DEK: variants seen among roughly 807,000 people sequenced by gnomAD.
DEK encodes the protein protein DEK.
A neutral mutation model predicts 46.8 loss-of-function variants in DEK; 28 were observed. The ratio of observed to expected loss-of-function variants is 0.60; its 90% confidence interval spans 0.44 to 0.82. DEK has a LOEUF of 0.82. DEK is among the 40% of genes least tolerant of loss of function. The pLI is 0.00. For missense variants in DEK, 416 were observed against 430.6 expected (o/e 0.97, Z 0.30); for synonymous variants, 160 against 144.5 (o/e 1.11, Z -0.77).
chr6:18,236,681 C>G (rs1324785138), intron 8 of DEK, 81 bp from the exon 9 acceptor site: 2 of 1,055,814 alleles, frequency 1.9e-6, no homozygotes, highest in Non-Finnish European at 2.5e-6. Flanking sequence ...TTTAAGCTTT[C>G]AACAGATTCT....
At chr6:18,229,205 A>G (rs7738210) in intron 9 of DEK, among the ~76,000 whole-genome samples, 5,355 of 152,264 alleles carry the variant, frequency 0.035, 272 homozygotes, top group African/African-American at 0.11. Flanking sequence ...TAACAAAAAG[A>G]ACATCCACAC....
chr6:18,263,722 G>A (rs1377396377), intron 2 of DEK, 121 bp downstream of exon 2: 1 of 1,587,712 alleles, frequency 6.3e-7, no homozygotes, highest in Non-Finnish European at 8.5e-7. Context: ...CATTCTCGCT[G>A]AAAATCACTC....
At chr6:18,240,089 G>A (rs1313258905) in intron 7 of DEK, among the ~76,000 whole-genome samples, 1 of 152,160 alleles carries the variant, frequency 6.6e-6, no homozygotes, top group Non-Finnish European at 1.5e-5. Context: ...AGCCTTTTAA[G>A]GCTTGCCATT....
chr6:18,233,380 A>G (rs1207641396), intron 9 of DEK, among the ~76,000 whole-genome samples: 1 of 152,234 alleles, frequency 6.6e-6, no homozygotes, highest in Non-Finnish European at 1.5e-5. Flanking sequence ...GAGGTTCTGC[A>G]CAGCAAAAGA....
At chr6:18,225,818 A>G (rs576113187) in intron 10 of DEK, 88 bp from the exon 11 acceptor site, 1 of 1,506,504 alleles carries the variant, frequency 6.6e-7, no homozygotes, top group East Asian at 2.3e-5. Context: ...TTGTCCTTCA[A>G]AAATCAGTTG....
chr6:18,261,604 C>G (rs1791872382), intron 2 of DEK, among the ~76,000 whole-genome samples: 1 of 151,800 alleles, frequency 6.6e-6, no homozygotes, highest in South Asian at 2.1e-4. Flanking sequence ...CACAGAAAAA[C>G]AAAAACCAAA....
intron 7 of DEK, among the ~76,000 whole-genome samples, chr6:18,241,356 A>G (rs1423700595): frequency 6.6e-6 from 1 of 152,242 alleles, no homozygotes; most frequent in African/African-American, 2.4e-5. Context: ...TTAATTTTAC[A>G]TGAACTTTCA....
At chr6:18,259,905 A>C (rs1306028702) in intron 2 of DEK, among the ~76,000 whole-genome samples, 1 of 152,224 alleles carries the variant, frequency 6.6e-6, no homozygotes, top group African/African-American at 2.4e-5. Context: ...ATGAAGACCA[A>C]ACACACTAAA....
At chr6:18,242,200 G>A (rs896429993) in intron 7 of DEK, among the ~76,000 whole-genome samples, 6 of 152,090 alleles carry the variant, frequency 3.9e-5, no homozygotes. Flanking sequence ...GTGAAACCCC[G>A]TCTCTACAAA....
At chr6:18,244,563 T>G (rs1224886269) in intron 7 of DEK, 1 of 1,289,058 alleles carries the variant, frequency 7.8e-7, no homozygotes, top group African/African-American at 1.5e-5. Flanking sequence ...AAGACGCCTG[T>G]CACAGAGCCA....
chr6:18,258,253 C>T, intron 3 of DEK, 51 bp downstream of exon 3: 1 of 1,486,572 alleles, frequency 6.7e-7, no homozygotes, highest in Non-Finnish European at 9.3e-7. Flanking sequence ...ATCATTTTCA[C>T]AAATTTAGGC....
chr6:18,261,041 G>C (rs140623155), intron 2 of DEK, among the ~76,000 whole-genome samples: 233 of 151,076 alleles, frequency 1.5e-3, no homozygotes, highest in African/African-American at 5.4e-3. Flanking sequence ...GGAGTGGAAA[G>C]GGGAAATGGG....
chr6:18,234,162 G>C (rs928762960), intron 9 of DEK, among the ~76,000 whole-genome samples: 2 of 117,982 alleles, frequency 1.7e-5, no homozygotes, highest in Non-Finnish European at 1.6e-5. Flanking sequence ...ACAGGAAGGG[G>C]AACATCACAC....
chr6:18,249,356 T>C (rs1410427957), intron 7 of DEK, among the ~76,000 whole-genome samples: 2 of 152,204 alleles, frequency 1.3e-5, no homozygotes, highest in East Asian at 1.9e-4. Context: ...CTATTCAGGA[T>C]ATGCACCACT....
At chr6:18,246,250 TCCA>T (rs1791112206) in intron 7 of DEK, among the ~76,000 whole-genome samples, 1 of 152,212 alleles carries the variant, frequency 6.6e-6, no homozygotes, top group Non-Finnish European at 1.5e-5. Flanking sequence ...AAGAAAATCA[TCCA>T]CCACTTCCTT....
intron 5 of DEK, among the ~76,000 whole-genome samples, 199 bp downstream of exon 5, chr6:18,256,162 T>A (rs1311447024): frequency 6.6e-6 from 1 of 152,022 alleles, no homozygotes; most frequent in Non-Finnish European, 1.5e-5. Context: ...TAATTTTGTA[T>A]CTTTAGTGGA....
At position 18,224,886 on chromosome 6, in the gene DEK, G is replaced by A. The variant is rs146494116; in HGVS notation, c.*833C>T. On this transcript the variant is annotated 3_prime_UTR_variant, in exon 11 of 11. Transcript: ENST00000652689. ...GGTCTGTCCTTATATAATATAAAAC[G>A]TACCTACAGACACTTTTACAGAGTT... The A allele has an allele frequency of 2.8e-5, 6 of 211,170 alleles. No individual in the cohort carries two copies. Among genetic ancestry groups the A allele is most frequent in the East Asian group, 7.2e-5 (1 of 13,978 alleles). 13.1% of individuals were successfully genotyped at this position (211,170 alleles called of 1,614,324 possible). A position where few individuals can be genotyped will look rare whatever the true frequency, so the allele number is the denominator to read the frequency against.
At chr6:18,257,376 G>T (rs771197327) in intron 4 of DEK, among the ~76,000 whole-genome samples, 1 of 152,118 alleles carries the variant, frequency 6.6e-6, no homozygotes, top group African/African-American at 2.4e-5. Context: ...TTTGGATTTC[G>T]TAATTTGAAA....
chr6:18,257,501 CAG>C (rs1008138222), intron 4 of DEK, among the ~76,000 whole-genome samples: 7 of 152,128 alleles, frequency 4.6e-5, no homozygotes, highest in African/African-American at 1.7e-4. Context: ...CACTTGAGCT[CAG>C]GAGTTCAAGA....
Sources: allele counts gnomAD v4.1 joint callset (sites outside exome capture counted in the v4.1 genomes callset), GRCh38; gene constraint gnomAD v4.1.1; transcripts MANE v1.5; gene names NCBI Gene and HGNC (gene_info 2026-07-23, HGNC 2026-07-21).